The following NDFIP2 variants were observed in gnomAD, a reference collection of about 807,000 sequenced individuals.
NDFIP2 encodes the protein NEDD4 family-interacting protein 2.
Under a neutral mutation model 36.0 loss-of-function variants are expected in NDFIP2, and 19 were observed. The observed-to-expected ratio is 0.53, with a 90% CI of 0.37 to 0.77. The LOEUF is 0.77. Among genes scored for constraint, NDFIP2 ranks in the 30% least tolerant of loss-of-function variants. NDFIP2 has a pLI of 0.00. For missense variants in NDFIP2, 446 were observed against 435.8 expected (o/e 1.02, Z -0.21); for synonymous variants, 181 against 167.7 (o/e 1.08, Z -0.61).
chr13:79,512,639 T>G (rs1304399241), intron 1 of NDFIP2, among the ~76,000 whole-genome samples: 2 of 152,202 alleles, frequency 1.3e-5, no homozygotes, highest in Non-Finnish European at 2.9e-5. Context: ...GAAAGGTATA[T>G]TGATGCAGAT....
chr13:79,509,937 A>AT (rs574042322), intron 1 of NDFIP2, among the ~76,000 whole-genome samples: 21 of 152,256 alleles, frequency 1.4e-4, no homozygotes, highest in East Asian at 9.7e-4. Context: ...AGTTGATTAG[A>AT]TGGTGCCCAC....
At chr13:79,488,210 A>G (rs376933726) in intron 1 of NDFIP2, among the ~76,000 whole-genome samples, 13 of 152,320 alleles carry the variant, frequency 8.5e-5, no homozygotes, top group African/African-American at 1.7e-4. Context: ...TTGTATACCA[A>G]TACTCAAATG....
Position 79,552,942 on chromosome 13 carries a change from GC to G in NDFIP2, c.*430del, listed in dbSNP as rs1875961532. 6.6e-6 allele frequency: 1 copy of G among 151,490 alleles called. No individual in the cohort carries two copies. The highest frequency in any genetic ancestry group is 2.4e-5 in the African/African-American group (1 of 41,290). 9.4% of individuals were successfully genotyped at this position (151,490 alleles called of 1,614,324 possible). ...ACCATGTCAAATGATTTAGTTTCTG[GC>G]TCTTAGACTCATCTGGCAGTTCTAC... On this transcript the variant is annotated 3_prime_UTR_variant, in exon 8 of 8. Transcript: ENST00000218652.
chr13:79,511,983 A>C (rs1874097630), intron 1 of NDFIP2, among the ~76,000 whole-genome samples: 1 of 152,140 alleles, frequency 6.6e-6, no homozygotes, highest in African/African-American at 2.4e-5. Context: ...TCAGATTCTG[A>C]TTGCTGAATA....
At position 79,555,716 on chromosome 13, in the gene NDFIP2, A is replaced by G. The variant is rs1272409509; in HGVS notation, c.*3203A>G. ...ATTTAATTCTTCAAATAGTCATATG[A>G]AAACATATATTTGATAAAGGTCAAT... On this transcript the variant is annotated 3_prime_UTR_variant, in exon 8 of 8. Coordinates refer to ENST00000218652, the MANE Select transcript of NDFIP2 (RefSeq NM_019080.3). 1 of 152,154 alleles carries G rather than the reference A, an allele frequency of 6.6e-6. No individual in the cohort carries two copies. Among genetic ancestry groups the G allele is most frequent in the Non-Finnish European group, 1.5e-5 (1 of 68,002 alleles). The allele number at this position is 152,154 out of a possible 1,614,324, so 9.4% of individuals were successfully genotyped here. A position where few individuals can be genotyped will look rare whatever the true frequency, so the allele number is the denominator to read the frequency against.
intron 1 of NDFIP2, among the ~76,000 whole-genome samples, chr13:79,486,317 T>C (rs1872987313): frequency 6.6e-6 from 1 of 152,184 alleles, no homozygotes; most frequent in South Asian, 2.1e-4. Flanking sequence ...ACTTCCAAAT[T>C]TTTAAAAAAG....
intron 5 of NDFIP2, among the ~76,000 whole-genome samples, chr13:79,545,739 AGTT>A (rs2137115382): frequency 6.6e-6 from 1 of 152,204 alleles, no homozygotes; most frequent in South Asian, 2.1e-4. Flanking sequence ...AAGGTCCCAC[AGTT>A]GTTTTTTTTG....
intron 3 of NDFIP2, among the ~76,000 whole-genome samples, chr13:79,538,296 G>T (rs929833324): frequency 6.6e-6 from 1 of 152,062 alleles, no homozygotes; most frequent in Non-Finnish European, 1.5e-5. Context: ...CAGATCTCAT[G>T]TCCTTCTCAC....
intron 1 of NDFIP2, among the ~76,000 whole-genome samples, chr13:79,509,141 C>CACAG (rs1393905831): frequency 1.3e-5 from 2 of 152,096 alleles, no homozygotes; most frequent in East Asian, 3.9e-4. Flanking sequence ...ATGCCAGTGA[C>CACAG]ACAGCCTCAG....
At chr13:79,543,709 T>C (rs1566668057) in intron 5 of NDFIP2, 27 bp downstream of exon 5, 1 of 1,604,056 alleles carries the variant, frequency 6.2e-7, no homozygotes, top group East Asian at 2.2e-5. Context: ...CCTGTATCTC[T>C]TTTATCTCTA....
At chr13:79,520,727 G>A in intron 1 of NDFIP2, 83 bp from the exon 2 acceptor site, 1 of 1,311,650 alleles carries the variant, frequency 7.6e-7, no homozygotes, top group African/African-American at 1.5e-5. Context: ...AAGCGATACT[G>A]TGTCTGAAAT....
At chr13:79,520,339 TTG>T (rs764696447) in intron 1 of NDFIP2, among the ~76,000 whole-genome samples, 9 of 152,170 alleles carry the variant, frequency 5.9e-5, no homozygotes, top group Non-Finnish European at 1.3e-4. Context: ...ACTGTTACAA[TTG>T]CATACTTCCT....
chr13:79,538,010 A>G (rs532325201), intron 3 of NDFIP2, among the ~76,000 whole-genome samples: 29 of 152,330 alleles, frequency 1.9e-4, no homozygotes, highest in African/African-American at 6.7e-4. Flanking sequence ...AGGGGGAAGC[A>G]GGCCCATTTT....
intron 1 of NDFIP2, chr13:79,519,103 A>G (rs376045209): frequency 6.6e-6 from 1 of 152,200 alleles, no homozygotes; most frequent in East Asian, 1.9e-4. Flanking sequence ...CACTGTGCCC[A>G]GTCCAACATG....
intron 1 of NDFIP2, among the ~76,000 whole-genome samples, chr13:79,518,765 A>G (rs1236334961): frequency 1.3e-5 from 2 of 152,198 alleles, no homozygotes; most frequent in Non-Finnish European, 2.9e-5. Flanking sequence ...CAGAGGTCCT[A>G]AAAGGTAGAG....
chr13:79,529,962 G>T (rs1252325095), intron 2 of NDFIP2, among the ~76,000 whole-genome samples: 2 of 152,142 alleles, frequency 1.3e-5, no homozygotes, highest in African/African-American at 2.4e-5. Context: ...ACTCTTAAGG[G>T]TGCAGTAGCA....
intron 1 of NDFIP2, among the ~76,000 whole-genome samples, chr13:79,484,448 G>C (rs960519960): frequency 7.9e-5 from 12 of 152,180 alleles, no homozygotes; most frequent in Admixed American, 7.9e-4. Flanking sequence ...TTCCCAAACT[G>C]TATTTCAGAA....
chr13:79,494,930 C>A (rs1873380180), intron 1 of NDFIP2, among the ~76,000 whole-genome samples: 1 of 151,614 alleles, frequency 6.6e-6, no homozygotes, highest in African/African-American at 2.4e-5. Flanking sequence ...CAATTTTATT[C>A]ATCTTTTTAA....
chr13:79,539,623 C>T, intron 3 of NDFIP2, 59 bp from the exon 4 acceptor site: 1 of 1,359,432 alleles, frequency 7.4e-7, no homozygotes, highest in South Asian at 1.2e-5. Context: ...CTTATGCTTA[C>T]ATTTAAGATG....
Sources: allele counts gnomAD v4.1 joint callset (sites outside exome capture counted in the v4.1 genomes callset), GRCh38; gene constraint gnomAD v4.1.1; transcripts MANE v1.5; gene names NCBI Gene and HGNC (gene_info 2026-07-23, HGNC 2026-07-21).